Variants in SHANK2 observed in about 807,000 individuals in gnomAD.
SHANK2 encodes the protein SH3 and multiple ankyrin repeat domains protein 2.
Under a neutral mutation model 133.7 loss-of-function variants are expected in SHANK2, and 43 were observed. That is an observed-to-expected ratio of 0.32 (90% CI 0.25 to 0.41). SHANK2 has a LOEUF of 0.41. Among genes scored for constraint, SHANK2 ranks in the 10% least tolerant of loss-of-function variants. SHANK2 has a pLI of 1.00. For missense variants in SHANK2, 1,994 were observed against 2,235.8 expected (o/e 0.89, Z 2.18); for synonymous variants, 1,017 against 952.8 (o/e 1.07, Z -1.24).
At chr11:70,874,254 A>G (rs1555070762) in intron 11 of SHANK2, among the ~76,000 whole-genome samples, 1 of 151,904 alleles carries the variant, frequency 6.6e-6, no homozygotes, top group South Asian at 2.1e-4. Flanking sequence ...CTATCCCTCT[A>G]ATCTAATCTA....
chr11:71,066,038 G>GGAGGGGGTGCAGAACTCTCCCA (rs1951053229), intron 9 of SHANK2, among the ~76,000 whole-genome samples: 7 of 49,078 alleles, frequency 1.4e-4, no homozygotes, highest in South Asian at 8.1e-4. Context: ...GGGGAAGTTG[G>GGAGGGGGTGCAGAACTCTCCCA]GGGAGGGTAC....
At chr11:71,229,825 T>C (rs1214491803) in intron 1 of SHANK2, among the ~76,000 whole-genome samples, 1 of 148,780 alleles carries the variant, frequency 6.7e-6, no homozygotes, top group African/African-American at 2.5e-5. Context: ...TAACAATACA[T>C]ATTCAGGAAC....
At position 70,496,563 on chromosome 11, in the gene SHANK2, G is replaced by A. The variant is rs1555157146; in HGVS notation, c.2308+4007C>T. On this transcript the variant is annotated intron_variant, in intron 21 of 25. Transcript: ENST00000601538. ...AATGACAGCCGTCCCTGAATCTGGT[G>A]GAAGTTCTGGGCCGATCATCCTGTT... Among the ~76,000 whole-genome samples, 8 of 152,256 alleles carry A rather than the reference G, an allele frequency of 5.3e-5. No homozygotes were observed. The South Asian group carries it at 6.2e-4, about 12-fold the overall frequency.
chr11:70,520,114 C>G (rs56996352), intron 17 of SHANK2, among the ~76,000 whole-genome samples: 39,146 of 151,732 alleles, frequency 0.26, 5,378 homozygotes, highest in African/African-American at 0.37. Flanking sequence ...ACATTGTGAA[C>G]TCAGTATCTG....
chr11:70,685,996 TAC>T (rs1168486099), intron 15 of SHANK2, among the ~76,000 whole-genome samples: 1 of 150,082 alleles, frequency 6.7e-6, no homozygotes, highest in Non-Finnish European at 1.5e-5. Flanking sequence ...TCCATCTGTC[TAC>T]CCATTCATTC....
intron 14 of SHANK2, among the ~76,000 whole-genome samples, chr11:70,715,194 C>A (rs1040543589): frequency 1.3e-5 from 2 of 152,160 alleles, no homozygotes; most frequent in Admixed American, 6.5e-5. Context: ...TGAGAATTAT[C>A]CGGGAATGTG....
intron 11 of SHANK2, among the ~76,000 whole-genome samples, chr11:70,861,397 C>T (rs1210940779): frequency 6.6e-6 from 1 of 152,170 alleles, no homozygotes; most frequent in Non-Finnish European, 1.5e-5. Context: ...TGTTTTCCTA[C>T]ACCACATGGC....
At chr11:70,669,795 T>C (rs1315438808) in intron 15 of SHANK2, among the ~76,000 whole-genome samples, 2 of 152,238 alleles carry the variant, frequency 1.3e-5, no homozygotes, top group Non-Finnish European at 2.9e-5. Context: ...TCATTGCGTG[T>C]AGAACCACTC....
chr11:71,166,058 C>T (rs368103298), intron 2 of SHANK2, among the ~76,000 whole-genome samples: 1 of 152,218 alleles, frequency 6.6e-6, no homozygotes, highest in East Asian at 1.9e-4. Context: ...GCACACACTA[C>T]TGCTCGCCTG....
At chr11:71,170,715 C>G (rs1403973117) in intron 2 of SHANK2, among the ~76,000 whole-genome samples, 1 of 152,200 alleles carries the variant, frequency 6.6e-6, no homozygotes, top group African/African-American at 2.4e-5. Flanking sequence ...TCCAAGGTCA[C>G]GGCAGAGCCC....
At chr11:70,592,782 C>T (rs570502071) in intron 17 of SHANK2, among the ~76,000 whole-genome samples, 1 of 152,308 alleles carries the variant, frequency 6.6e-6, no homozygotes, top group South Asian at 2.1e-4. Context: ...TGCGGATTCC[C>T]ATCCATGCTC....
At chr11:70,879,336 C>T (rs1226534667) in intron 11 of SHANK2, among the ~76,000 whole-genome samples, 1 of 152,206 alleles carries the variant, frequency 6.6e-6, no homozygotes, top group East Asian at 1.9e-4. Flanking sequence ...TTAATTCTAC[C>T]CAGCATATTC....
intron 2 of SHANK2, among the ~76,000 whole-genome samples, chr11:71,159,286 A>G (rs1393020966): frequency 6.6e-6 from 1 of 152,114 alleles, no homozygotes; most frequent in East Asian, 1.9e-4. Flanking sequence ...CCTTCCTCCA[A>G]TTTCAAAGTG....
chr11:70,944,072 G>A lies in SHANK2; in HGVS notation c.1108-47505C>T, dbSNP rs1565420212. On this transcript the variant is annotated intron_variant, in intron 10 of 25. Transcript: ENST00000601538. ...TATGGCTAGCTACATCTTGTCCACA[G>A]CAAGGTAGGCAGTCGACTGCAATTC... 1.2e-5 allele frequency: 5 copies of A among 412,028 alleles called. No individual in the cohort carries two copies. In the East Asian group the frequency reaches 3.7e-4, roughly 30 times the overall value. 25.5% of individuals were successfully genotyped at this position (412,028 alleles called of 1,614,324 possible).
At position 70,612,551 on chromosome 11, in the gene SHANK2, T is replaced by A. The variant is rs1429886389; in HGVS notation, c.2061+47277A>T. On this transcript the variant is annotated intron_variant, in intron 17 of 25. Coordinates refer to ENST00000601538, the MANE Select transcript of SHANK2 (RefSeq NM_012309.5). ...ATGCATACTTTCTGATGGAACTTCA[T>A]CCCTGAAGTATGCATACTGTACAGG... Among the ~76,000 whole-genome samples the A allele has an allele frequency of 2.0e-5, 3 of 152,336 alleles. No homozygotes were observed. The East Asian group carries it at 5.8e-4, about 29-fold the overall frequency.
At chr11:70,743,858 G>A (rs1162125759) in intron 14 of SHANK2, among the ~76,000 whole-genome samples, 5 of 152,022 alleles carry the variant, frequency 3.3e-5, no homozygotes, top group African/African-American at 7.3e-5. Context: ...TTTCCTACCC[G>A]GCTGCTGCGA....
At chr11:70,928,430 T>C (rs1206372671) in intron 10 of SHANK2, among the ~76,000 whole-genome samples, 2 of 152,120 alleles carry the variant, frequency 1.3e-5, no homozygotes, top group African/African-American at 4.8e-5. Flanking sequence ...AGTCCTAAGA[T>C]GCATTTTTTG....
At chr11:70,910,899 CGT>C (rs374516514) in intron 10 of SHANK2, 519 of 416,832 alleles carry the variant, frequency 1.2e-3, no homozygotes, top group Middle Eastern at 4.0e-3. Context: ...CTTGGTGGTG[CGT>C]GTGTGTGTGT....
In SHANK2 at chr11:71,176,875, T is replaced by C. The variant is rs1555113174; in HGVS notation, c.-12-29537A>G. Among the ~76,000 whole-genome samples the C allele has an allele frequency of 2.0e-5, 3 of 152,210 alleles. No individual in the cohort carries two copies. In the East Asian group the frequency reaches 5.8e-4, roughly 29 times the overall value. On this transcript the variant is annotated intron_variant, in intron 2 of 25. Transcript: ENST00000601538. ...CAGCTTCATGAAGCTCAATGTAACC[T>C]AAGCACAAGAATCATAAAGAAAATT...
Sources: gnomAD v4.1 joint callset for allele counts (sites outside exome capture counted in the v4.1 genomes callset) on GRCh38, gnomAD v4.1.1 for gene constraint, MANE v1.5 for transcripts, NCBI Gene and HGNC (gene_info 2026-07-23, HGNC 2026-07-21) for gene names.